Variants in FADS2 observed in about 807,000 individuals in gnomAD.
The protein encoded by FADS2 is fatty acid desaturase 2.
Under a neutral mutation model 61.2 loss-of-function variants are expected in FADS2, and 18 were observed. That is an observed-to-expected ratio of 0.29 (90% confidence interval 0.20 to 0.44). The LOEUF (loss-of-function observed/expected upper bound fraction) is 0.44. Ranked by LOEUF, FADS2 falls within the 20% of genes least tolerant of loss-of-function variation. The pLI, the probability that FADS2 is intolerant of heterozygous loss-of-function variation, is 1.00. For missense variants in FADS2, 322 were observed against 572.7 expected (o/e 0.56, Z 4.47); for synonymous variants, 203 against 223.9 (o/e 0.91, Z 0.83).
Position 61,866,022 on chromosome 11 carries a change from C to A in FADS2, c.*333C>A. 2.2e-6 allele frequency: 1 copy of A among 460,672 alleles called. No individual in the cohort carries two copies. Among genetic ancestry groups the A allele is most frequent in the Admixed American group, 3.6e-5 (1 of 27,692 alleles). The allele number at this position is 460,672 out of a possible 1,614,324, so 28.5% of individuals were successfully genotyped here. On this transcript the variant is annotated 3_prime_UTR_variant, in exon 12 of 12. Coordinates refer to ENST00000278840, the MANE Select transcript of FADS2 (RefSeq NM_004265.4). Reference sequence around the variant, plus strand: ...CTCTGCCCCTAAAGATGGGAGGAGACCAGCGGTCCATGGGTCTGGCCTGTG... The same window carrying A: ...CTCTGCCCCTAAAGATGGGAGGAGAACAGCGGTCCATGGGTCTGGCCTGTG...
In FADS2 at chr11:61,859,481, T is replaced by C. The variant is rs113842301; in HGVS notation, c.882+1951T>C. Among the ~76,000 whole-genome samples the C allele has an allele frequency of 2.7e-3, 417 of 152,334 alleles. 5 individuals carry two copies. Among genetic ancestry groups the C allele is most frequent in the African/African-American group, 9.5e-3 (396 of 41,574 alleles). ...ACCCATATATCCAATCTAACTCCAT[T>C]TGGAGGTGTCCCAGCCATTGCAAAT... On this transcript the variant is annotated intron_variant, in intron 7 of 11. Coordinates refer to ENST00000278840, the MANE Select transcript of FADS2 (RefSeq NM_004265.4).
At chr11:61,844,645 G>T (rs1400710371) in intron 4 of FADS2, among the ~76,000 whole-genome samples, 2 of 152,088 alleles carry the variant, frequency 1.3e-5, no homozygotes, top group Non-Finnish European at 2.9e-5. Context: ...ATGAAATGAG[G>T]CCAGGCGCGG....
Position 61,837,787 on chromosome 11 carries a change from C to A in FADS2, c.217C>A (p.Arg73Ser). Residue 73 changes from arginine to serine, a missense_variant, in exon 2 of 12, where the codon CGC (arginine) becomes AGC (serine). Transcript: ENST00000278840. ...GCCCTCTGCTCTCCAGGATGCCTTCCGCGCCTTCCACCCTGACCTGGAATT... is the reference window on the plus strand; with the variant it reads ...GCCCTCTGCTCTCCAGGATGCCTTCAGCGCCTTCCACCCTGACCTGGAATT... The part of the protein sequence containing the change: ...YAGEDATDAF[R>S]AFHPDLEFVG... The A allele has an allele frequency of 6.2e-7, 1 of 1,611,220 alleles. No individual in the cohort carries two copies. The highest frequency in any genetic ancestry group is 8.5e-7 in the Non-Finnish European group (1 of 1,178,674).
intron 4 of FADS2, among the ~76,000 whole-genome samples, chr11:61,841,055 A>ATT (rs200202925): frequency 4.6e-4 from 65 of 141,582 alleles, no homozygotes; most frequent in East Asian, 2.5e-3. Context: ...AAGTAGCAGT[A>ATT]TTTTTTTTTT....
intron 1 of FADS2, among the ~76,000 whole-genome samples, chr11:61,837,451 C>T (rs1370291516): frequency 6.6e-6 from 1 of 152,222 alleles, no homozygotes; most frequent in East Asian, 1.9e-4. Flanking sequence ...CCTCCCTGAG[C>T]CCCGTGTCTG....
Position 61,828,357 on chromosome 11 carries a change from C to G in FADS2, c.-34C>G, listed in dbSNP as rs981707718. 9 of 1,546,340 alleles carry G rather than the reference C, an allele frequency of 5.8e-6. No homozygotes were observed. In the East Asian group the frequency reaches 2.2e-4, roughly 38 times the overall value. ...CAGCGAGCAGCCGGCGCGGGGAGGC[C>G]GCAGTGCACGGGGCGTCACAGTCGG... On this transcript the variant is annotated 5_prime_UTR_variant, in exon 1 of 12. Coordinates refer to ENST00000278840, the MANE Select transcript of FADS2 (RefSeq NM_004265.4). This position sits in a 1 kb window ranked among gnomAD's most constrained non-coding sequence, Gnocchi z 6.4.
Position 61,816,448 on chromosome 11 carries a change from C to T in FADS2, c.141+22C>T. 6.3e-7 allele frequency: 1 copy of T among 1,599,762 alleles called. No homozygotes were observed. The highest frequency in any genetic ancestry group is 1.3e-5 in the African/African-American group (1 of 75,062). The stretch of plus-strand genomic sequence containing the variant: ...ACAGGTATGATCAGGCGCCTCCGGG[C>T]TTTCCTCCGAATTAGTCGGTGTTTG... On this transcript the variant is annotated intron_variant, in intron 1 of 11. Transcript: ENST00000257261. This position sits in a 1 kb window ranked among gnomAD's most constrained non-coding sequence, Gnocchi z 7.0.
At chr11:61,845,427 G>T (rs2067249014) in intron 4 of FADS2, among the ~76,000 whole-genome samples, 1 of 152,186 alleles carries the variant, frequency 6.6e-6, no homozygotes, top group African/African-American at 2.4e-5. Context: ...ATTGTTCCTG[G>T]GCAAGGCGGG....
chr11:61,839,154 G>C (rs1482284033), intron 2 of FADS2, among the ~76,000 whole-genome samples: 1 of 151,534 alleles, frequency 6.6e-6, no homozygotes. Context: ...TGCCTCCCTG[G>C]CTCCATGTGC....
chr11:61,828,729 T>C lies in FADS2; in HGVS notation c.207+132T>C. On this transcript the variant is annotated intron_variant, in intron 1 of 11. Transcript: ENST00000278840. The surrounding 1 kb of genome is among the most constrained non-coding windows in gnomAD (Gnocchi z 6.4). ...ACGTCCTGTAGGGAAGGAAAGTGCA[T>C]CTATTGCACTCGTACCCCCTCCCCA... is the stretch of plus-strand genomic sequence containing the variant. 1 of 733,484 alleles carries C rather than the reference T, an allele frequency of 1.4e-6. No individual in the cohort carries two copies. Among genetic ancestry groups the C allele is most frequent in the Non-Finnish European group, 2.2e-6 (1 of 445,504 alleles). 45.4% of individuals were successfully genotyped at this position (733,484 alleles called of 1,614,324 possible).
chr11:61,857,548 C>T lies in FADS2; in HGVS notation c.882+18C>T, dbSNP rs1438710757. Reference sequence around the variant, plus strand: ...ACTGGGTGGTGAGTTGGGGACACAGCTGGCTTGGCATGGGGAGGAGGGTGA... The same window carrying T: ...ACTGGGTGGTGAGTTGGGGACACAGTTGGCTTGGCATGGGGAGGAGGGTGA... On this transcript the variant is annotated intron_variant, in intron 7 of 11. Coordinates refer to ENST00000278840, the MANE Select transcript of FADS2 (RefSeq NM_004265.4). The T allele has an allele frequency of 3.7e-6, 6 of 1,606,820 alleles. No homozygotes were observed. Among genetic ancestry groups the T allele is most frequent in the Non-Finnish European group, 5.1e-6 (6 of 1,173,562 alleles).
intron 4 of FADS2, among the ~76,000 whole-genome samples, chr11:61,845,817 AC>A (rs1392408119): frequency 2.0e-5 from 3 of 151,018 alleles, no homozygotes; most frequent in Non-Finnish European, 2.9e-5. Flanking sequence ...GAAGAGAATC[AC>A]AGCAGAGGAA....
In FADS2 at chr11:61,851,529, G is replaced by C. The variant is rs1239484389; in HGVS notation, c.744+3245G>C. Among the ~76,000 whole-genome samples the C allele has an allele frequency of 2.0e-5, 3 of 152,234 alleles. No homozygotes were observed. The East Asian group carries it at 5.8e-4, about 29-fold the overall frequency. On this transcript the variant is annotated intron_variant, in intron 5 of 11. Transcript: ENST00000278840. ...GTGCTTCCTGGGTTCCTGGTGTTTT[G>C]ACCTGTGCTCTGGCTCTCGCAGGAC...
rs943798269 is a variant in FADS2 at position 61,828,868 on chromosome 11, G to C, written c.207+271G>C. 2.0e-5 allele frequency among the ~76,000 whole-genome samples: 3 copies of C among 152,198 alleles called. No homozygotes were observed. The highest frequency in any genetic ancestry group is 4.4e-5 in the Non-Finnish European group (3 of 68,030). Reference sequence around the variant, plus strand: ...AACAGGGCAAGCATCTACCGCGCGCGCCGGGACCCACGCGTCCTCCCCTTC... The same window carrying C: ...AACAGGGCAAGCATCTACCGCGCGCCCCGGGACCCACGCGTCCTCCCCTTC... On this transcript the variant is annotated intron_variant, in intron 1 of 11. Transcript: ENST00000278840. The surrounding 1 kb of genome is among the most constrained non-coding windows in gnomAD (Gnocchi z 6.4).
chr11:61,828,704 A>G lies in FADS2; in HGVS notation c.207+107A>G. 1 of 985,302 alleles carries G rather than the reference A, an allele frequency of 1.0e-6. No individual in the cohort carries two copies. Among genetic ancestry groups the G allele is most frequent in the South Asian group, 1.6e-5 (1 of 63,758 alleles). The allele number at this position is 985,302 out of a possible 1,614,324, so 61.0% of individuals were successfully genotyped here. The stretch of plus-strand genomic sequence containing the variant: ...CCTCCGGCGCTGAATGGAGCTTGGG[A>G]CGTCCTGTAGGGAAGGAAAGTGCAT... On this transcript the variant is annotated intron_variant, in intron 1 of 11. Coordinates refer to ENST00000278840, the MANE Select transcript of FADS2 (RefSeq NM_004265.4). The surrounding 1 kb of genome is among the most constrained non-coding windows in gnomAD (Gnocchi z 6.4).
intron 1 of FADS2, among the ~76,000 whole-genome samples, chr11:61,835,534 C>T (rs1408838346): frequency 6.6e-6 from 1 of 151,350 alleles, no homozygotes; most frequent in Non-Finnish European, 1.5e-5. Context: ...GCTGGGATTA[C>T]GGGCGTGTGC....
chr11:61,856,766 C>G (rs974523485), intron 5 of FADS2: 2 of 529,010 alleles, frequency 3.8e-6, no homozygotes, highest in Non-Finnish European at 6.7e-6. Flanking sequence ...TGTAGAGGAT[C>G]GATGCCATCG....
chr11:61,839,007 T>C (rs1422160734), intron 2 of FADS2, among the ~76,000 whole-genome samples: 1 of 152,142 alleles, frequency 6.6e-6, no homozygotes, highest in Admixed American at 6.5e-5. Flanking sequence ...TCATAGCACC[T>C]TGGTCATGCC....
intron 5 of FADS2, among the ~76,000 whole-genome samples, chr11:61,852,171 G>A (rs1023374010): frequency 1.9e-4 from 29 of 152,240 alleles, no homozygotes; most frequent in African/African-American, 6.3e-4. Flanking sequence ...GATGACTTGG[G>A]GGCCACACTC....
Sources: gnomAD v4.1 joint callset for allele counts (sites outside exome capture counted in the v4.1 genomes callset) on GRCh38, gnomAD v4.1.1 for gene constraint, Gnocchi (gnomAD v3.1) non-coding constraint, MANE v1.5 for transcripts, NCBI Gene and HGNC (gene_info 2026-07-23, HGNC 2026-07-21) for gene names.